TBCK: variants seen among roughly 807,000 people sequenced by gnomAD.
The protein encoded by TBCK is TBC1 domain containing kinase, also known as TBC domain-containing protein kinase-like protein.
TBCK carries 99 observed loss-of-function variants against 113.4 expected under a neutral mutation model. The ratio of observed to expected loss-of-function variants is 0.87; its 90% CI spans 0.74 to 1.03. The LOEUF is 1.03. Ranked by LOEUF, TBCK falls within the 50% of genes least tolerant of loss-of-function variation. The pLI is 0.00. For missense variants in TBCK, 1,045 were observed against 1,061.3 expected, an observed-to-expected ratio of 0.98 and a Z score of 0.21; for synonymous variants, 369 against 370.8, an observed-to-expected ratio of 1.00 and a Z score of 0.05.
At chr4:106,148,098 C>G (rs969274827) in intron 23 of TBCK, among the ~76,000 whole-genome samples, 8 of 152,164 alleles carry the variant, frequency 5.3e-5, no homozygotes, top group African/African-American at 7.2e-5. Flanking sequence ...TTGGTCAGAC[C>G]AGTTGCTCTC....
chr4:106,296,457 A>C (rs186228643), intron 2 of TBCK, among the ~76,000 whole-genome samples: 1 of 152,308 alleles, frequency 6.6e-6, no homozygotes, highest in African/African-American at 2.4e-5. Flanking sequence ...AAGAGACAGA[A>C]GAAGATAGGA....
chr4:106,295,239 CTGA>C (rs1268196380), intron 2 of TBCK, 73 bp from the exon 3 acceptor site: 397 of 1,286,004 alleles, frequency 3.1e-4, no homozygotes, highest in Middle Eastern at 3.8e-4. Context: ...ATACTCTCCA[CTGA>C]TGATATTAAT....
chr4:106,073,042 C>T (rs1375906768), intron 25 of TBCK, among the ~76,000 whole-genome samples: 1 of 152,182 alleles, frequency 6.6e-6, no homozygotes, highest in East Asian at 1.9e-4. Context: ...TGGGTTCGAA[C>T]ATCCTCCTTT....
intron 5 of TBCK, among the ~76,000 whole-genome samples, chr4:106,256,816 A>G (rs1051411893): frequency 1.3e-5 from 2 of 152,182 alleles, no homozygotes; most frequent in African/African-American, 4.8e-5. Flanking sequence ...ATTTGATTCT[A>G]TAAAGTACCT....
intron 2 of TBCK, among the ~76,000 whole-genome samples, chr4:106,295,424 G>C (rs1157894782): frequency 1.3e-5 from 2 of 152,044 alleles, no homozygotes; most frequent in Non-Finnish European, 2.9e-5. Flanking sequence ...TAGGTGGAAA[G>C]ACTGTCCTTG....
At chr4:106,244,888 T>C in intron 10 of TBCK, 124 bp from the exon 11 acceptor site, 2 of 593,746 alleles carry the variant, frequency 3.4e-6, no homozygotes, top group Non-Finnish European at 5.5e-6. Flanking sequence ...CAGTTCCTAG[T>C]TCTGATTGTA....
rs41277029 is a variant in TBCK, at chr4:106,250,490, G to A, written c.598-12C>T. The A allele has an allele frequency of 0.15, 204,498 of 1,354,594 alleles. 15,881 individuals carry two copies. Among genetic ancestry groups the A allele is most frequent in the Middle Eastern group, 0.17 (894 of 5,212 alleles). 83.9% of individuals were successfully genotyped at this position (1,354,594 alleles called of 1,614,324 possible). On this transcript the variant is annotated splice_polypyrimidine_tract_variant and intron_variant, in intron 6 of 25. Coordinates refer to ENST00000394708, the MANE Select transcript of TBCK (RefSeq NM_001163435.3). ...AATAATTTTCTTCCCTAAATAAAAT[G>A]AGAAAAGAAATTTCTATTAATATTT...
chr4:106,125,416 C>T (rs756607594), intron 23 of TBCK, among the ~76,000 whole-genome samples: 1 of 152,034 alleles, frequency 6.6e-6, no homozygotes, highest in Non-Finnish European at 1.5e-5. Flanking sequence ...GAAATCCTGC[C>T]GAGTGAGGTG....
intron 25 of TBCK, among the ~76,000 whole-genome samples, chr4:106,077,852 T>G (rs558222470): frequency 1.1e-4 from 17 of 152,168 alleles, no homozygotes; most frequent in Non-Finnish European, 2.1e-4. Context: ...AGAATACATA[T>G]TCTTCTCATC....
intron 22 of TBCK, 32 bp from the exon 23 acceptor site, chr4:106,171,302 A>G (rs373752786): frequency 3.2e-6 from 5 of 1,555,120 alleles, no homozygotes; most frequent in African/African-American, 1.4e-5. Flanking sequence ...AAGCAAATGT[A>G]TAGAATTTAG....
At chr4:106,189,184 A>ATGGG (rs1753374179) in intron 22 of TBCK, among the ~76,000 whole-genome samples, 1 of 151,970 alleles carries the variant, frequency 6.6e-6, no homozygotes, top group Non-Finnish European at 1.5e-5. Flanking sequence ...ATTTTTACAG[A>ATGGG]TGGGTGGGGG....
chr4:106,122,643 C>T (rs1023307752), intron 23 of TBCK, among the ~76,000 whole-genome samples: 5 of 152,122 alleles, frequency 3.3e-5, no homozygotes, highest in South Asian at 2.1e-4. Flanking sequence ...ACTGGCAAAA[C>T]GAATCCAGCA....
In TBCK at chr4:106,135,645, T is replaced by C. The variant is rs1248423393; in HGVS notation, c.2236-19267A>G. Among the ~76,000 whole-genome samples the C allele has an allele frequency of 4.9e-5, 7 of 141,980 alleles. No homozygotes were observed. In the South Asian group the frequency reaches 1.7e-3, roughly 34 times the overall value. The allele number at this position is 141,980 out of a possible 152,430, so 93.1% of individuals were successfully genotyped here. A position where few individuals can be genotyped will look rare whatever the true frequency, so the allele number is the denominator to read the frequency against. On this transcript the variant is annotated intron_variant, in intron 23 of 25. Transcript: ENST00000394708. ...AAGGAAGACTGTTGTAGAAGTGGGT[T>C]ACTATAAAAGCTCTGGAGGAGCGCA... is the stretch of plus-strand genomic sequence containing the variant.
chr4:106,257,201 T>A (rs1466038614), intron 5 of TBCK, among the ~76,000 whole-genome samples: 4 of 152,142 alleles, frequency 2.6e-5, no homozygotes, highest in Non-Finnish European at 1.5e-5. Flanking sequence ...AGAAGAGACA[T>A]GGAGTGAAAT....
intron 22 of TBCK, among the ~76,000 whole-genome samples, chr4:106,179,703 T>C (rs1027020673): frequency 1.3e-5 from 2 of 151,980 alleles, no homozygotes; most frequent in African/African-American, 2.4e-5. Context: ...TTGAGAAAAA[T>C]GTGTATTCTG....
At chr4:106,216,941 T>C (rs1420902079) in intron 19 of TBCK, among the ~76,000 whole-genome samples, 1 of 152,086 alleles carries the variant, frequency 6.6e-6, no homozygotes, top group African/African-American at 2.4e-5. Context: ...CCAATATCCT[T>C]GATGAACATT....
chr4:106,175,736 C>T (rs78005162), intron 22 of TBCK, among the ~76,000 whole-genome samples: 311 of 152,224 alleles, frequency 2.0e-3, no homozygotes, highest in Non-Finnish European at 3.7e-3. Context: ...ATGAAGAATG[C>T]TGCCTCTTTC....
intron 2 of TBCK, among the ~76,000 whole-genome samples, chr4:106,302,905 A>C (rs1767098197): frequency 6.6e-6 from 1 of 152,248 alleles, no homozygotes; most frequent in Non-Finnish European, 1.5e-5. Context: ...GTAACAAATA[A>C]AAATCTTTGG....
In TBCK at chr4:106,082,912, C is replaced by T. The variant is rs564335315; in HGVS notation, c.2571+12570G>A. Among the ~76,000 whole-genome samples, 164 of 152,334 alleles carry T rather than the reference C, an allele frequency of 1.1e-3. 1 individual carries two copies. The highest frequency in any genetic ancestry group is 3.4e-3 in the Middle Eastern group (1 of 294). Reference sequence around the variant, plus strand: ...GGGAGGCAGTGAGTGAGCACACTACCCAGCCAGGGGAAACTGTGCTTTTCA... The same window carrying T: ...GGGAGGCAGTGAGTGAGCACACTACTCAGCCAGGGGAAACTGTGCTTTTCA... On this transcript the variant is annotated intron_variant, in intron 25 of 25. Coordinates refer to ENST00000394708, the MANE Select transcript of TBCK (RefSeq NM_001163435.3).
Sources: allele counts gnomAD v4.1 joint callset (sites outside exome capture counted in the v4.1 genomes callset), GRCh38; gene constraint gnomAD v4.1.1; transcripts MANE v1.5; gene names NCBI Gene and HGNC (gene_info 2026-07-23, HGNC 2026-07-21).